Variants in FAH observed in about 807,000 individuals in gnomAD.
FAH encodes the protein fumarylacetoacetase.
A neutral mutation model predicts 55.8 loss-of-function variants in FAH; 47 were observed. That is an observed-to-expected ratio of 0.84 (90% CI 0.67 to 1.07). The LOEUF (loss-of-function observed/expected upper bound fraction) is 1.07. Among genes scored for constraint, FAH ranks in the 50% least tolerant of loss-of-function variants. The pLI is 0.00. For synonymous variants in FAH, 199 were observed against 207.7 expected (o/e 0.96, Z 0.36); for missense variants, 495 against 545.9 (o/e 0.91, Z 0.93).
intron 1 of FAH, among the ~76,000 whole-genome samples, chr15:80,153,721 G>A (rs2041074783): frequency 6.6e-6 from 1 of 151,614 alleles, no homozygotes; most frequent in Non-Finnish European, 1.5e-5. Context: ...AGAAGAAAGA[G>A]GGCAGGGAAA....
chr15:80,154,557 C>G lies in FAH; in HGVS notation c.81+1422C>G, dbSNP rs536659305. On this transcript the variant is annotated intron_variant, in intron 1 of 13. Transcript: ENST00000561421. ...GGCCTTCCAGCTGAACAAGCCTCTTCTGAAGCTTTCTCTGCAGGCATTGGA... is the reference window on the plus strand; with the variant it reads ...GGCCTTCCAGCTGAACAAGCCTCTTGTGAAGCTTTCTCTGCAGGCATTGGA... Among the ~76,000 whole-genome samples the G allele has an allele frequency of 3.9e-5, 6 of 152,374 alleles. No individual in the cohort carries two copies. In the South Asian group the frequency reaches 1.0e-3, roughly 26 times the overall value.
At chr15:80,177,498 G>T in intron 10 of FAH, 39 bp from the exon 11 acceptor site, 1 of 1,580,190 alleles carries the variant, frequency 6.3e-7, no homozygotes, top group South Asian at 1.1e-5. Flanking sequence ...CTGATGCATG[G>T]AATTAAGTTT....
chr15:80,162,466 A>G (rs956626184), intron 5 of FAH, 130 bp downstream of exon 5: 14 of 807,858 alleles, frequency 1.7e-5, no homozygotes, highest in Non-Finnish European at 2.8e-5. Flanking sequence ...TGATGTTGCA[A>G]CCTCTGGAAG....
chr15:80,185,935 T>G (rs1157294365), intron 13 of FAH, among the ~76,000 whole-genome samples, 195 bp from the exon 14 acceptor site: 1 of 152,156 alleles, frequency 6.6e-6, no homozygotes, highest in Non-Finnish European at 1.5e-5. Flanking sequence ...CGGGTTCTAG[T>G]CCAAGGGCTC....
rs1595890650 is a variant in FAH at position 80,160,230 on chromosome 15, G to A, written c.315-180G>A. ...TTTCCTAGGGTAGAATATAGAAACG[G>A]CTTCAGTGGGTGGATGTCCTCTCAG... On this transcript the variant is annotated intron_variant, in intron 3 of 13. Transcript: ENST00000561421. The A allele has an allele frequency of 4.2e-6, 3 of 708,064 alleles. No homozygotes were observed. The South Asian group carries it at 4.6e-5, about 11-fold the overall frequency. The allele number at this position is 708,064 out of a possible 1,614,324, so 43.9% of individuals were successfully genotyped here.
At position 80,180,109 on chromosome 15, in the gene FAH, G is replaced by A. The variant is rs376633948; in HGVS notation, c.961-15G>A. 194 of 1,574,130 alleles carry A rather than the reference G, an allele frequency of 1.2e-4. No individual in the cohort carries two copies. The Middle Eastern group carries it at 5.1e-3, about 41-fold the overall frequency. On this transcript the variant is annotated splice_polypyrimidine_tract_variant and intron_variant, in intron 11 of 13. Coordinates refer to ENST00000561421, the MANE Select transcript of FAH (RefSeq NM_000137.4). ...CCTGCCGCTGCTCATTCCACCTCGC[G>A]TCCATTGCCTGCAGTACATGTACTG...
At chr15:80,163,938 T>C (rs2041170781) in intron 5 of FAH, among the ~76,000 whole-genome samples, 1 of 152,204 alleles carries the variant, frequency 6.6e-6, no homozygotes, top group Non-Finnish European at 1.5e-5. Context: ...TAGTGAAAGA[T>C]TTAGATCAAG....
chr15:80,164,440 A>G (rs1372910190), intron 5 of FAH, among the ~76,000 whole-genome samples: 1 of 152,176 alleles, frequency 6.6e-6, no homozygotes, highest in Non-Finnish European at 1.5e-5. Context: ...ACTTAATCAC[A>G]CCTGCAAAAC....
At chr15:80,171,387 T>G (rs1025906473) in intron 7 of FAH, among the ~76,000 whole-genome samples, 1 of 152,150 alleles carries the variant, frequency 6.6e-6, no homozygotes, top group South Asian at 2.1e-4. Flanking sequence ...AGCAAACTAT[T>G]GCAAGGACAA....
chr15:80,164,577 T>G (rs2041176364), intron 5 of FAH, among the ~76,000 whole-genome samples: 1 of 152,114 alleles, frequency 6.6e-6, no homozygotes, highest in South Asian at 2.1e-4. Context: ...CACACACTTA[T>G]GCATACATTA....
intron 5 of FAH, 45 bp from the exon 6 acceptor site, chr15:80,168,007 T>C (rs748706401): frequency 8.1e-6 from 12 of 1,486,182 alleles, no homozygotes; most frequent in Middle Eastern, 1.9e-4. Flanking sequence ...ATTGACAACA[T>C]ATAACAGCTC....
Position 80,154,380 on chromosome 15 carries a change from A to C in FAH, c.81+1245A>C, listed in dbSNP as rs531605673. Among the ~76,000 whole-genome samples the C allele has an allele frequency of 3.9e-5, 6 of 152,282 alleles. No homozygotes were observed. The South Asian group carries it at 1.0e-3, about 26-fold the overall frequency. On this transcript the variant is annotated intron_variant, in intron 1 of 13. Coordinates refer to ENST00000561421, the MANE Select transcript of FAH (RefSeq NM_000137.4). ...TTGCTTTCTCAGGGGAATCGAATTA[A>C]TATCCGTTAGAGTGTGGCTAGGTGT...
At chr15:80,161,554 T>C (rs1028645594) in intron 4 of FAH, among the ~76,000 whole-genome samples, 2 of 152,170 alleles carry the variant, frequency 1.3e-5, no homozygotes, top group Non-Finnish European at 2.9e-5. Context: ...ATGGTAGATA[T>C]GCCTACAGCT....
chr15:80,163,357 A>T (rs1258517475), intron 5 of FAH: 2 of 152,298 alleles, frequency 1.3e-5, no homozygotes, highest in Non-Finnish European at 2.9e-5. Flanking sequence ...TGATGGGCTG[A>T]GTGTCTATAT....
intron 13 of FAH, among the ~76,000 whole-genome samples, chr15:80,185,794 C>G (rs1416100957): frequency 6.6e-6 from 1 of 152,188 alleles, no homozygotes; most frequent in Non-Finnish European, 1.5e-5. Flanking sequence ...GTACCTCCCA[C>G]AACACATGGG....
Position 80,153,138 on chromosome 15 carries a change from G to A in FAH, c.81+3G>A, listed in dbSNP as rs747338192. 1 of 1,611,166 alleles carries A rather than the reference G, an allele frequency of 6.2e-7. No homozygotes were observed. The highest frequency in any genetic ancestry group is 1.1e-5 in the South Asian group (1 of 90,966). On this transcript the variant is annotated splice_donor_region_variant and intron_variant, in intron 1 of 13. Coordinates refer to ENST00000561421, the MANE Select transcript of FAH (RefSeq NM_000137.4). Reference sequence around the variant, plus strand: ...GCGTCTTCTCGACCAGAGGCGACGTGAGCAGTGGGGCTTTGGCGTCCGGGC... The same window carrying A: ...GCGTCTTCTCGACCAGAGGCGACGTAAGCAGTGGGGCTTTGGCGTCCGGGC...
intron 8 of FAH, 150 bp from the exon 9 acceptor site, chr15:80,172,864 C>A: frequency 9.8e-7 from 1 of 1,019,086 alleles, no homozygotes; most frequent in Non-Finnish European, 1.5e-6. Flanking sequence ...AATGCTCTTG[C>A]CCCTTTGTCC....
chr15:80,179,149 A>T (rs2866593), intron 11 of FAH, among the ~76,000 whole-genome samples: 1 of 152,044 alleles, frequency 6.6e-6, no homozygotes, highest in Admixed American at 6.6e-5. Flanking sequence ...GCATGTAAGC[A>T]TTTTGCCTGC....
At chr15:80,177,632 A>G in intron 11 of FAH, 49 bp downstream of exon 11, 1 of 1,528,658 alleles carries the variant, frequency 6.5e-7, no homozygotes, top group Non-Finnish European at 9.1e-7. Context: ...AGGGAAAGAG[A>G]GACTTTTCTT....
Sources: gnomAD v4.1 joint callset for allele counts (sites outside exome capture counted in the v4.1 genomes callset) on GRCh38, gnomAD v4.1.1 for gene constraint, MANE v1.5 for transcripts, NCBI Gene and HGNC (gene_info 2026-07-23, HGNC 2026-07-21) for gene names.